Variants in ARMC2 observed in about 807,000 individuals in gnomAD.
ARMC2 encodes the protein armadillo repeat-containing protein 2.
Under a neutral mutation model 90.3 loss-of-function variants are expected in ARMC2, and 67 were observed. The ratio of observed to expected loss-of-function variants is 0.74; its 90% CI spans 0.61 to 0.91. The LOEUF (loss-of-function observed/expected upper bound fraction) is 0.91. Among genes scored for constraint, ARMC2 ranks in the 40% least tolerant of loss-of-function variants. The pLI is 0.00. For missense variants in ARMC2, 920 were observed against 1,030.9 expected (o/e 0.89, Z 1.47); for synonymous variants, 393 against 393.0 (o/e 1.00, Z 0.00).
At chr6:108,864,707 C>T (rs971130813) in intron 3 of ARMC2, among the ~76,000 whole-genome samples, 27 of 152,086 alleles carry the variant, frequency 1.8e-4, no homozygotes, top group Admixed American at 1.0e-3. Context: ...CACATAGGAT[C>T]GGGGGAGACC....
intron 6 of ARMC2, among the ~76,000 whole-genome samples, chr6:108,898,314 G>A (rs559331256): frequency 8.6e-5 from 13 of 151,896 alleles, no homozygotes; most frequent in South Asian, 2.1e-4. Flanking sequence ...CTCACCTTCC[G>A]ATCCTTCCTG....
At chr6:108,918,363 G>A (rs573881901) in intron 10 of ARMC2, among the ~76,000 whole-genome samples, 1 of 152,300 alleles carries the variant, frequency 6.6e-6, no homozygotes, top group South Asian at 2.1e-4. Context: ...GCGAATAGGC[G>A]AGCGAGGGGT....
intron 10 of ARMC2, among the ~76,000 whole-genome samples, chr6:108,922,317 A>G (rs1266814080): frequency 6.6e-6 from 1 of 151,002 alleles, no homozygotes; most frequent in Non-Finnish European, 1.5e-5. Flanking sequence ...CTCAGGTTGG[A>G]GTGCGGTGGT....
At chr6:108,876,715 T>C (rs1776974902) in intron 5 of ARMC2, among the ~76,000 whole-genome samples, 1 of 152,222 alleles carries the variant, frequency 6.6e-6, no homozygotes, top group African/African-American at 2.4e-5. Context: ...CCCTTTGGGT[T>C]AGTTCACAGT....
In ARMC2 at chr6:108,862,353, A is replaced by C. The variant is rs1453012158; in HGVS notation, c.291+4082A>C. On this transcript the variant is annotated intron_variant, in intron 3 of 17. Coordinates refer to ENST00000392644, the MANE Select transcript of ARMC2 (RefSeq NM_032131.6). ...AGTGAGACTCATCTCAAAAAAAAAA[A>C]AAAAACAAAAAAAACAAACAAAACC... 2.6e-3 allele frequency among the ~76,000 whole-genome samples: 375 copies of C among 145,098 alleles called. 3 individuals carry two copies. The highest frequency in any genetic ancestry group is 4.2e-3 in the Non-Finnish European group (280 of 66,216).
chr6:109,008,696 G>A, the ARMC2 span: 1 of 798,384 alleles, frequency 1.3e-6, no homozygotes, highest in Non-Finnish European at 1.5e-6. Flanking sequence ...ACTTTCAAAT[G>A]GTTTCCTATT....
chr6:108,862,354 A>C lies in ARMC2; in HGVS notation c.291+4083A>C, dbSNP rs1295622548. On this transcript the variant is annotated intron_variant, in intron 3 of 17. Coordinates refer to ENST00000392644, the MANE Select transcript of ARMC2 (RefSeq NM_032131.6). ...GTGAGACTCATCTCAAAAAAAAAAA[A>C]AAAACAAAAAAAACAAACAAAACCA... Among the ~76,000 whole-genome samples, 61 of 145,182 alleles carry C rather than the reference A, an allele frequency of 4.2e-4. 2 individuals carry two copies. The highest frequency in any genetic ancestry group is 1.0e-3 in the African/African-American group (39 of 38,842).
At chr6:109,002,357 T>C in the ARMC2 span, 1 of 1,609,526 alleles carries the variant, frequency 6.2e-7, no homozygotes, top group South Asian at 1.1e-5. Flanking sequence ...GAAAAGAAAA[T>C]TACACCATCT....
At chr6:108,904,179 GA>G in intron 7 of ARMC2, 50 bp from the exon 8 acceptor site, 1 of 1,587,728 alleles carries the variant, frequency 6.3e-7, no homozygotes, top group Non-Finnish European at 8.6e-7. Flanking sequence ...GACACACTTG[GA>G]AACTTAACCT....
the ARMC2 span, among the ~76,000 whole-genome samples, chr6:109,015,184 G>A: frequency 6.6e-6 from 1 of 152,144 alleles, no homozygotes; most frequent in African/African-American, 2.4e-5. Context: ...AGGCAGGCAG[G>A]CTGACTCTGT....
At chr6:109,031,519 C>T in the ARMC2 span, among the ~76,000 whole-genome samples, 1 of 152,156 alleles carries the variant, frequency 6.6e-6, no homozygotes, top group East Asian at 1.9e-4. Context: ...ATGGCCCACC[C>T]CTCATCTTCA....
chr6:108,926,812 A>G (rs544585039), intron 10 of ARMC2, among the ~76,000 whole-genome samples: 5 of 152,028 alleles, frequency 3.3e-5, no homozygotes, highest in Admixed American at 6.6e-5. Context: ...ATACTCAAGT[A>G]GTTTGTTTCA....
At chr6:109,000,778 T>C in the ARMC2 span, 1 of 978,478 alleles carries the variant, frequency 1.0e-6, no homozygotes, top group South Asian at 3.9e-5. Flanking sequence ...TTAGTATGTT[T>C]TCAAATTTTC....
At chr6:109,006,884 C>T in the ARMC2 span, among the ~76,000 whole-genome samples, 1 of 152,120 alleles carries the variant, frequency 6.6e-6, no homozygotes, top group Admixed American at 6.5e-5. Context: ...TCAATTATTC[C>T]TTCATCTGTA....
chr6:109,008,670 TA>T, the ARMC2 span: 1 of 560,600 alleles, frequency 1.8e-6, no homozygotes, highest in Non-Finnish European at 2.3e-6. Context: ...GAGTTTTACC[TA>T]AGGTTACATT....
chr6:108,947,842 AG>A (rs1358460171), intron 12 of ARMC2, among the ~76,000 whole-genome samples: 1 of 150,848 alleles, frequency 6.6e-6, no homozygotes, highest in African/African-American at 2.4e-5. Context: ...AAAAAAAAAA[AG>A]CTCTCTCTTG....
At position 108,868,511 on chromosome 6, in the gene ARMC2, C is replaced by T. The variant is rs545869596; in HGVS notation, c.292-313C>T. On this transcript the variant is annotated intron_variant, in intron 3 of 17. Coordinates refer to ENST00000392644, the MANE Select transcript of ARMC2 (RefSeq NM_032131.6). ...GGATTGCAGGCATGAGCCACTGCGC[C>T]CGGCCAATTTTGTAGTCTTTTATAC... Among the ~76,000 whole-genome samples the T allele has an allele frequency of 2.6e-5, 4 of 152,308 alleles. No individual in the cohort carries two copies. In the South Asian group the frequency reaches 8.3e-4, roughly 32 times the overall value.
At chr6:109,009,282 G>A in the ARMC2 span, 5 of 1,296,446 alleles carry the variant, frequency 3.9e-6, no homozygotes, top group African/African-American at 3.1e-5. Flanking sequence ...CGTGACCTCC[G>A]TGTTGCACAG....
chr6:108,882,695 T>G (rs1486006221), intron 5 of ARMC2, among the ~76,000 whole-genome samples: 1 of 152,168 alleles, frequency 6.6e-6, no homozygotes, highest in Non-Finnish European at 1.5e-5. Context: ...AAAATGATTA[T>G]TGAGATAGAT....
Sources: gnomAD v4.1 joint callset for allele counts (sites outside exome capture counted in the v4.1 genomes callset) on GRCh38, gnomAD v4.1.1 for gene constraint, MANE v1.5 for transcripts, NCBI Gene and HGNC (gene_info 2026-07-23, HGNC 2026-07-21) for gene names.